ZNF98: variants seen among roughly 807,000 people sequenced by gnomAD.
The protein encoded by ZNF98 is zinc finger protein 739.
ZNF98 carries 8 observed loss-of-function variants against 12.8 expected under a neutral mutation model. The ratio of observed to expected loss-of-function variants is 0.63; its 90% CI spans 0.37 to 1.13. ZNF98 has a LOEUF of 1.13. Among genes scored for constraint, ZNF98 ranks in the 50% most tolerant of loss-of-function variants. The probability of loss-of-function intolerance (pLI) is 0.01; values close to 1 mark genes in which losing one functional copy is unlikely to be tolerated. For missense variants in ZNF98, 379 were observed against 666.1 expected, an observed-to-expected ratio of 0.57 and a Z score of 4.74; for synonymous variants, 112 against 223.5, an observed-to-expected ratio of 0.50 and a Z score of 4.45.
chr19:22,392,983 T>A lies in ZNF98; in HGVS notation c.254-2A>T. On this transcript the variant is annotated splice_acceptor_variant, in intron 3 of 3. Coordinates refer to ENST00000357774, the MANE Select transcript of ZNF98 (RefSeq NM_001098626.2). LOFTEE classifies it high-confidence loss of function. ...CTTGGGCAAAATAAGAATATACAAC[T>A]GAAAGAAATAAAAATAATAAATTAC... 6.7e-7 allele frequency: 1 copy of A among 1,493,554 alleles called. No individual in the cohort carries two copies. Among genetic ancestry groups the A allele is most frequent in the Non-Finnish European group, 8.9e-7 (1 of 1,125,324 alleles). The allele number at this position is 1,493,554 out of a possible 1,614,324, so 92.5% of individuals were successfully genotyped here.
intron 1 of ZNF98, among the ~76,000 whole-genome samples, chr19:22,407,981 G>C (rs1321840529): frequency 6.6e-6 from 1 of 151,914 alleles, no homozygotes; most frequent in Non-Finnish European, 1.5e-5. Flanking sequence ...TGAGGCAGGA[G>C]AATCACTTGA....
In ZNF98 at chr19:22,392,874, G is replaced by A; in HGVS notation, c.361C>T (p.Gln121Ter). The A allele has an allele frequency of 6.2e-7, 1 of 1,607,186 alleles. No individual in the cohort carries two copies. Among genetic ancestry groups the A allele is most frequent in the South Asian group, 1.1e-5 (1 of 89,258 alleles). Reference sequence around the variant, plus strand: ...ATGCTTTTACAGTATTTTCTTAACTGTAAATTTTCACGTCCACATTTTTTA... The same window carrying A: ...ATGCTTTTACAGTATTTTCTTAACTATAAATTTTCACGTCCACATTTTTTA... The part of the protein sequence containing the change: ...TYKKCGRENL[Q>*]LRKYCKSMDE... The change falls in exon 4 of 4, where the codon CAG becomes TAG. Residue 121 changes from glutamine to a stop codon, truncating the protein, a stop_gained. Transcript: ENST00000357774. LOFTEE classifies it low-confidence loss of function (END_TRUNC).
intron 1 of ZNF98, among the ~76,000 whole-genome samples, chr19:22,416,204 C>T (rs1397017964): frequency 2.0e-5 from 3 of 151,782 alleles, no homozygotes; most frequent in South Asian, 2.1e-4. Context: ...GGCGTGGTGG[C>T]TCACACCTGT....
At chr19:22,417,186 G>A (rs1028169878) in intron 1 of ZNF98, among the ~76,000 whole-genome samples, 20 of 131,986 alleles carry the variant, frequency 1.5e-4, no homozygotes, top group African/African-American at 5.8e-4. Context: ...CCAAGATCGC[G>A]CCATCGCACT....
intron 1 of ZNF98, among the ~76,000 whole-genome samples, chr19:22,418,600 T>C (rs1018552886): frequency 3.3e-5 from 5 of 152,242 alleles, no homozygotes; most frequent in Admixed American, 2.0e-4. Context: ...ATCAGCTGGC[T>C]GGGAGCAGTG....
intron 1 of ZNF98, among the ~76,000 whole-genome samples, chr19:22,411,798 C>T (rs1454847899): frequency 6.6e-6 from 1 of 152,194 alleles, no homozygotes; most frequent in Non-Finnish European, 1.5e-5. Context: ...TCTCCTAAAA[C>T]AACCAGGTCA....
intron 1 of ZNF98, among the ~76,000 whole-genome samples, chr19:22,411,217 TG>T (rs1357191354): frequency 2.3e-5 from 3 of 130,696 alleles, no homozygotes; most frequent in Non-Finnish European, 5.5e-5. Flanking sequence ...TAATTTTTTT[TG>T]TAGAGCCAGG....
At chr19:22,417,529 A>C (rs1316220399) in intron 1 of ZNF98, among the ~76,000 whole-genome samples, 2 of 152,108 alleles carry the variant, frequency 1.3e-5, no homozygotes, top group Non-Finnish European at 2.9e-5. Flanking sequence ...AGGTGGAAGA[A>C]CTGGTTTGTG....
At chr19:22,394,793 GAAAT>G (rs762299088) in intron 3 of ZNF98, among the ~76,000 whole-genome samples, 6 of 152,002 alleles carry the variant, frequency 3.9e-5, no homozygotes, top group African/African-American at 9.7e-5. Flanking sequence ...AAAGTATAAT[GAAAT>G]AAATAAATAA....
At position 22,391,812 on chromosome 19, in the gene ZNF98, A is replaced by G. The variant is rs751986119; in HGVS notation, c.1423T>C (p.Ser475Pro). ...EECGKAFNQS[S>P]TLSKHKVIHT... ...ATTACCTTATGTTTAGAAAGAGTTGAGGACTGGTTAAAAGCTTTGCCACAT... is the reference window on the plus strand; with the variant it reads ...ATTACCTTATGTTTAGAAAGAGTTGGGGACTGGTTAAAAGCTTTGCCACAT... The change falls in exon 4 of 4, where the codon TCA (serine) becomes CCA (proline). Residue 475 changes from serine (S) to proline (P), a missense_variant. By Grantham distance (74) the Ser-to-Pro change is moderately conservative (BLOSUM62 -1). Transcript: ENST00000357774. 6.8e-6 allele frequency: 11 copies of G among 1,611,494 alleles called. No homozygotes were observed. The African/African-American group carries it at 1.2e-4, about 18-fold the overall frequency.
intron 1 of ZNF98, among the ~76,000 whole-genome samples, chr19:22,415,201 G>C (rs1193317455): frequency 6.6e-6 from 1 of 152,110 alleles, no homozygotes; most frequent in Non-Finnish European, 1.5e-5. Flanking sequence ...AGTGAGAATG[G>C]CTAGTATTAG....
At position 22,391,476 on chromosome 19, in the gene ZNF98, G is replaced by A. The variant is rs10418599; in HGVS notation, c.*40C>T. On this transcript the variant is annotated 3_prime_UTR_variant, in exon 4 of 4. Coordinates refer to ENST00000357774, the MANE Select transcript of ZNF98 (RefSeq NM_001098626.2). Reference sequence around the variant, plus strand: ...TGAATTACCTTACCTACAATCCAGTGTGATAACCATTTAAAGGCTTTGTCA... The same window carrying A: ...TGAATTACCTTACCTACAATCCAGTATGATAACCATTTAAAGGCTTTGTCA... 2 of 1,511,548 alleles carry A rather than the reference G, an allele frequency of 1.3e-6. No individual in the cohort carries two copies. Among genetic ancestry groups the A allele is most frequent in the Non-Finnish European group, 1.8e-6 (2 of 1,129,644 alleles). The allele number at this position is 1,511,548 out of a possible 1,614,324, so 93.6% of individuals were successfully genotyped here. A position where few individuals can be genotyped will look rare whatever the true frequency, so the allele number is the denominator to read the frequency against.
intron 3 of ZNF98, among the ~76,000 whole-genome samples, chr19:22,396,124 T>A (rs1487264868): frequency 6.6e-6 from 1 of 152,112 alleles, no homozygotes; most frequent in Non-Finnish European, 1.5e-5. Flanking sequence ...CAGAATCTTG[T>A]GGCATTATCA....
intron 3 of ZNF98, among the ~76,000 whole-genome samples, chr19:22,395,859 A>G (rs1969385496): frequency 7.8e-6 from 1 of 128,950 alleles, no homozygotes; most frequent in Admixed American, 7.6e-5. Context: ...CGTGTGACAC[A>G]AAGTCCTGAG....
chr19:22,410,531 A>AT (rs1372987981), intron 1 of ZNF98, among the ~76,000 whole-genome samples: 4 of 152,204 alleles, frequency 2.6e-5, no homozygotes, highest in African/African-American at 4.8e-5. Context: ...GTTCTCATTC[A>AT]TAAGTGGTAG....
chr19:22,392,456 T>C lies in ZNF98; in HGVS notation c.779A>G (p.His260Arg). 2 of 1,566,300 alleles carry C rather than the reference T, an allele frequency of 1.3e-6. No individual in the cohort carries two copies. Among genetic ancestry groups the C allele is most frequent in the South Asian group, 2.3e-5 (2 of 86,170 alleles). The change falls in exon 4 of 4, where the codon CAT (histidine) becomes CGT (arginine). Residue 260 changes from histidine to arginine, a missense_variant. His to Arg is a conservative substitution (Grantham distance 29). Coordinates refer to ENST00000357774, the MANE Select transcript of ZNF98 (RefSeq NM_001098626.2). Reference protein sequence around the residue: ...LSHLTTHKIIHTGKKPYKCEE... With the variant: ...LSHLTTHKIIRTGKKPYKCEE... ...ACATTTGTAGGGTTTCTTTCCAGTA[T>C]GAATTATCTTATGTGTAGTAAGGTG... is the stretch of plus-strand genomic sequence containing the variant.
At chr19:22,397,212 T>TTGTGTGTGTGTG (rs3084811) in intron 3 of ZNF98, among the ~76,000 whole-genome samples, 18 of 145,322 alleles carry the variant, frequency 1.2e-4, no homozygotes, top group African/African-American at 4.4e-4. Context: ...GTGTGTGTTT[T>TTGTGTGTGTGTG]TGTGTGTGTG....
At chr19:22,414,771 T>G (rs1969621467) in intron 1 of ZNF98, among the ~76,000 whole-genome samples, 1 of 152,060 alleles carries the variant, frequency 6.6e-6, no homozygotes, top group Admixed American at 6.6e-5. Context: ...AAACTTCAAA[T>G]TATATATTTA....
At chr19:22,397,208 G>GTGTT (rs1555703672) in intron 3 of ZNF98, among the ~76,000 whole-genome samples, 3 of 64,056 alleles carry the variant, frequency 4.7e-5, no homozygotes, top group African/African-American at 1.2e-4. Flanking sequence ...GTGTGTGTGT[G>GTGTT]TTTTTGTGTG....
Sources: allele counts gnomAD v4.1 joint callset (sites outside exome capture counted in the v4.1 genomes callset), GRCh38; gene constraint gnomAD v4.1.1; transcripts MANE v1.5; gene names NCBI Gene and HGNC (gene_info 2026-07-23, HGNC 2026-07-21).